Variants in PNOC observed in about 807,000 individuals in gnomAD.
PNOC encodes the protein prepronociceptin.
A neutral mutation model predicts 15.6 loss-of-function variants in PNOC; 10 were observed. That is an observed-to-expected ratio of 0.64 (90% CI 0.40 to 1.09). The LOEUF (loss-of-function observed/expected upper bound fraction) is 1.09, where lower values mean the gene tolerates loss of function less well. Among genes scored for constraint, PNOC ranks in the 50% least tolerant of loss-of-function variants. PNOC has a pLI of 0.01. For synonymous variants in PNOC, 98 were observed against 88.5 expected, an observed-to-expected ratio of 1.11 and a Z score of -0.60; for missense variants, 220 against 223.9, an observed-to-expected ratio of 0.98 and a Z score of 0.11.
intron 1 of PNOC, among the ~76,000 whole-genome samples, chr8:28,326,912 G>A (rs1801234281): frequency 6.6e-6 from 1 of 152,102 alleles, no homozygotes; most frequent in African/African-American, 2.4e-5. Context: ...GTGGTTCTGG[G>A]GTGAGGCCCA....
chr8:28,336,644 C>T (rs1401090569), intron 2 of PNOC, among the ~76,000 whole-genome samples: 1 of 152,092 alleles, frequency 6.6e-6, no homozygotes, highest in African/African-American at 2.4e-5. Flanking sequence ...GAGTTTGGAG[C>T]TGTTTTATGG....
Position 28,339,166 on chromosome 8 carries a change from T to C in PNOC, c.253T>C (p.Tyr85His). ...AAPEHVAAAL[Y>H]QPRASEMQHL... ...CCCAGAGCATGTGGCGGCTGCTCTC[T>C]ACCAGCCGAGAGCTTCGGAGATGCA... Residue 85 changes from tyrosine (Y) to histidine (H), a missense_variant, in exon 3 of 4, where the codon TAC becomes CAC. Transcript: ENST00000301908. 6.2e-7 allele frequency: 1 copy of C among 1,613,716 alleles called. No individual in the cohort carries two copies. Among genetic ancestry groups the C allele is most frequent in the Non-Finnish European group, 8.5e-7 (1 of 1,179,648 alleles).
intron 2 of PNOC, among the ~76,000 whole-genome samples, chr8:28,337,527 T>TGGCCTCAA (rs1189229071): frequency 6.6e-6 from 1 of 151,156 alleles, no homozygotes; most frequent in Non-Finnish European, 1.5e-5. Flanking sequence ...CTCAAACTCC[T>TGGCCTCAA]GGCCTCAAGT....
At chr8:28,332,913 T>G (rs1279394330) in intron 2 of PNOC, among the ~76,000 whole-genome samples, 1 of 152,254 alleles carries the variant, frequency 6.6e-6, no homozygotes, top group Non-Finnish European at 1.5e-5. Context: ...ATCATGCTAC[T>G]GCACTCCAGC....
At chr8:28,324,087 G>A (rs1485809730) in intron 1 of PNOC, among the ~76,000 whole-genome samples, 1 of 152,210 alleles carries the variant, frequency 6.6e-6, no homozygotes, top group Non-Finnish European at 1.5e-5. Flanking sequence ...ACGTGCCTCT[G>A]ACCCACAGGG....
rs181444110 is a variant in PNOC, at chr8:28,320,548, G to A, written c.-24+3232G>A. On this transcript the variant is annotated intron_variant, in intron 1 of 3. Coordinates refer to ENST00000301908, the MANE Select transcript of PNOC (RefSeq NM_006228.5). ...TGTGTACTCAAAATCGACTGCTAGG[G>A]GTACAAAGTTAAAGAAGTTTGGCCG... 1.6e-3 allele frequency among the ~76,000 whole-genome samples: 241 copies of A among 152,106 alleles called. 3 individuals are homozygous for A. The highest frequency in any genetic ancestry group is 4.6e-4 in the Non-Finnish European group (31 of 67,984).
intron 1 of PNOC, among the ~76,000 whole-genome samples, chr8:28,326,479 TC>T (rs1380944152): frequency 6.6e-6 from 1 of 152,180 alleles, no homozygotes; most frequent in Non-Finnish European, 1.5e-5. Context: ...TGCAGGTCCC[TC>T]CTTTGTTCAC....
At chr8:28,332,941 ACT>A (rs917549295) in intron 2 of PNOC, among the ~76,000 whole-genome samples, 10 of 152,146 alleles carry the variant, frequency 6.6e-5, no homozygotes, top group African/African-American at 2.4e-4. Flanking sequence ...ACAAAGTAAG[ACT>A]CTGTCTCAAT....
chr8:28,342,690 G>A (rs1440711284), intron 3 of PNOC, among the ~76,000 whole-genome samples: 2 of 152,214 alleles, frequency 1.3e-5, no homozygotes, highest in African/African-American at 2.4e-5. Flanking sequence ...CCGGGAAGGG[G>A]CTTGCCACTG....
intron 2 of PNOC, among the ~76,000 whole-genome samples, chr8:28,336,169 A>T (rs544707502): frequency 6.6e-6 from 1 of 152,184 alleles, no homozygotes; most frequent in Admixed American, 6.5e-5. Flanking sequence ...TGATTAATTC[A>T]TCTCAGTTCA....
chr8:28,332,099 G>A (rs1400116932), intron 2 of PNOC, among the ~76,000 whole-genome samples: 3 of 152,202 alleles, frequency 2.0e-5, no homozygotes, highest in African/African-American at 7.2e-5. Flanking sequence ...TTTGAAACAA[G>A]TCAGAAAATG....
At chr8:28,317,838 G>A (rs994921625) in intron 1 of PNOC, among the ~76,000 whole-genome samples, 1 of 152,124 alleles carries the variant, frequency 6.6e-6, no homozygotes, top group Non-Finnish European at 1.5e-5. Context: ...TAATCCGGAG[G>A]GAGCCCTTCT....
chr8:28,330,392 T>TTTA (rs1801304081), intron 2 of PNOC, among the ~76,000 whole-genome samples: 1 of 60,124 alleles, frequency 1.7e-5, no homozygotes, highest in African/African-American at 4.3e-5. Context: ...TTTTATTTTA[T>TTTA]TTTATTTTTT....
At chr8:28,317,940 C>T (rs1351660119) in intron 1 of PNOC, among the ~76,000 whole-genome samples, 1 of 152,148 alleles carries the variant, frequency 6.6e-6, no homozygotes, top group African/African-American at 2.4e-5. Flanking sequence ...CTGCTGAGCG[C>T]CACGGCGTGT....
intron 2 of PNOC, among the ~76,000 whole-genome samples, chr8:28,330,399 T>TTATTTTTTTA (rs796269575): frequency 2.9e-5 from 3 of 104,102 alleles, no homozygotes; most frequent in African/African-American, 1.0e-4. Context: ...TTATTTTATT[T>TTATTTTTTTA]TTTTTTTTTT....
chr8:28,337,581 C>CTTTTTTTTTTTTTTT, intron 2 of PNOC, among the ~76,000 whole-genome samples: 1 of 117,154 alleles, frequency 8.5e-6, no homozygotes, highest in Non-Finnish European at 1.7e-5. Flanking sequence ...ATTACGTTTC[C>CTTTTTTTTTTTTTTT]TTTTTTTTTT....
intron 2 of PNOC, among the ~76,000 whole-genome samples, chr8:28,334,786 G>T (rs1400935611): frequency 6.6e-6 from 1 of 152,146 alleles, no homozygotes; most frequent in South Asian, 2.1e-4. Flanking sequence ...GAGCCACCAT[G>T]CCCAGCACAG....
intron 1 of PNOC, among the ~76,000 whole-genome samples, chr8:28,325,962 T>C (rs986064712): frequency 6.6e-6 from 1 of 152,206 alleles, no homozygotes; most frequent in African/African-American, 2.4e-5. Context: ...GCCCTGGTCC[T>C]TGGGATAGAG....
intron 1 of PNOC, among the ~76,000 whole-genome samples, chr8:28,324,437 C>T (rs889354057): frequency 1.3e-5 from 2 of 152,214 alleles, no homozygotes; most frequent in Non-Finnish European, 2.9e-5. Flanking sequence ...GGAAAGGAAA[C>T]GGCTCCTTTT....
Sources: allele counts gnomAD v4.1 joint callset (sites outside exome capture counted in the v4.1 genomes callset), GRCh38; gene constraint gnomAD v4.1.1; transcripts MANE v1.5; gene names NCBI Gene and HGNC (gene_info 2026-07-23, HGNC 2026-07-21).